Variants in MYO6 observed in about 807,000 individuals in gnomAD.
MYO6 encodes the protein unconventional myosin-VI.
A neutral mutation model predicts 178.7 loss-of-function variants in MYO6; 74 were observed. The observed-to-expected ratio is 0.41, with a 90% CI of 0.34 to 0.50. The LOEUF (loss-of-function observed/expected upper bound fraction) is 0.50. Ranked by LOEUF, MYO6 falls within the 20% of genes least tolerant of loss-of-function variation. MYO6 has a pLI of 0.09. For missense variants in MYO6, 1,330 were observed against 1,547.4 expected (o/e 0.86, Z 2.36); for synonymous variants, 477 against 504.6 (o/e 0.95, Z 0.73).
rs1328340292 is a variant in MYO6 at position 75,873,230 on chromosome 6, C to A, written c.2007C>A (p.Ile669=). ...RSTGASFIRC[I]KPNLKMTSHH... is the part of the protein sequence containing the mutation. ...AGGGAGCAAGCTTTATTCGTTGCAT[C>A]AAACCTAACTTAAAGATGACAAGCC... The change falls in exon 20 of 35, where the codon ATC becomes ATA. Residue 669 remains isoleucine, a synonymous_variant. Coordinates refer to ENST00000369977, the MANE Select transcript of MYO6 (RefSeq NM_004999.4). The A allele has an allele frequency of 6.2e-7, 1 of 1,613,958 alleles. No homozygotes were observed.
rs770343165 is a variant in MYO6 at position 75,817,713 on chromosome 6, TG to T, written c.117+50del. On this transcript the variant is annotated intron_variant, in intron 2 of 34. Transcript: ENST00000369977. ...AAATATGATTTCTTTCAAAAATAGG[TG>T]TTTTTTTTCACAAGAGTAAGGTCTG... The T allele has an allele frequency of 3.9e-6, 6 of 1,540,132 alleles. No homozygotes were observed. In the East Asian group the frequency reaches 9.0e-5, roughly 23 times the overall value.
At chr6:75,750,391 G>A (rs1776770337) in intron 1 of MYO6, among the ~76,000 whole-genome samples, 1 of 151,938 alleles carries the variant, frequency 6.6e-6, no homozygotes, top group South Asian at 2.1e-4. Flanking sequence ...CACTGCGCCT[G>A]GCCAAATATT....
intron 24 of MYO6, 95 bp downstream of exon 24, chr6:75,886,189 C>A: frequency 1.3e-6 from 1 of 769,972 alleles, no homozygotes; most frequent in Non-Finnish European, 2.2e-6. Context: ...TTTGGATACT[C>A]AGGTTTTCTC....
At chr6:75,797,793 C>A (rs539777295) in intron 1 of MYO6, among the ~76,000 whole-genome samples, 3 of 152,298 alleles carry the variant, frequency 2.0e-5, no homozygotes, top group Non-Finnish European at 4.4e-5. Flanking sequence ...CTCAGCTTTC[C>A]AAAATGCTGG....
intron 4 of MYO6, 56 bp downstream of exon 4, chr6:75,828,669 C>G: frequency 9.0e-7 from 1 of 1,105,528 alleles, no homozygotes. Flanking sequence ...TCATGTGGTA[C>G]TCTTTGATTT....
chr6:75,759,400 C>G lies in MYO6; in HGVS notation c.-48+9977C>G, dbSNP rs566160838. Among the ~76,000 whole-genome samples the G allele has an allele frequency of 3.9e-5, 6 of 152,172 alleles. No individual in the cohort carries two copies. The East Asian group carries it at 5.8e-4, about 15-fold the overall frequency. On this transcript the variant is annotated intron_variant, in intron 1 of 34. Coordinates refer to ENST00000369977, the MANE Select transcript of MYO6 (RefSeq NM_004999.4). ...CAGGGATTAGAAACAGTAAGAAATT[C>G]TTAGTTCTCCAGAAATTACCAGAGC...
intron 27 of MYO6, among the ~76,000 whole-genome samples, chr6:75,891,783 C>G (rs1412542722): frequency 1.3e-5 from 2 of 152,108 alleles, no homozygotes; most frequent in South Asian, 2.1e-4. Flanking sequence ...GACTTTGGAG[C>G]TAGGGAAGTG....
intron 20 of MYO6, among the ~76,000 whole-genome samples, chr6:75,877,021 C>T (rs1777614775): frequency 6.6e-6 from 1 of 151,938 alleles, no homozygotes; most frequent in South Asian, 2.1e-4. Flanking sequence ...GTTGCCTAGG[C>T]TGGAGTGCAA....
intron 2 of MYO6, among the ~76,000 whole-genome samples, chr6:75,821,755 G>A (rs1403692880): frequency 3.3e-5 from 5 of 152,118 alleles, no homozygotes; most frequent in Non-Finnish European, 7.4e-5. Context: ...GTCATTGTTT[G>A]AGAAGTACTG....
At chr6:75,873,751 A>T (rs948783952) in intron 20 of MYO6, among the ~76,000 whole-genome samples, 1 of 152,194 alleles carries the variant, frequency 6.6e-6, no homozygotes, top group Non-Finnish European at 1.5e-5. Flanking sequence ...CATTCCACAC[A>T]TGATGGTCAG....
At chr6:75,862,085 A>G (rs915277776) in intron 15 of MYO6, among the ~76,000 whole-genome samples, 1 of 152,204 alleles carries the variant, frequency 6.6e-6, no homozygotes, top group Non-Finnish European at 1.5e-5. Flanking sequence ...TCATTGTTAT[A>G]TACTGTATTC....
At chr6:75,894,730 T>G in intron 28 of MYO6, 1 of 839,238 alleles carries the variant, frequency 1.2e-6, no homozygotes, top group Non-Finnish European at 1.7e-6. Flanking sequence ...TAGCATGATG[T>G]TGTTGGGTTC....
intron 16 of MYO6, among the ~76,000 whole-genome samples, chr6:75,864,256 T>C (rs1236444426): frequency 1.3e-5 from 2 of 152,204 alleles, no homozygotes; most frequent in Non-Finnish European, 1.5e-5. Flanking sequence ...TGGTAACAAG[T>C]AGTTTTGTTT....
At chr6:75,867,976 A>G (rs1363649829) in intron 18 of MYO6, among the ~76,000 whole-genome samples, 5 of 152,152 alleles carry the variant, frequency 3.3e-5, no homozygotes, top group Non-Finnish European at 7.4e-5. Flanking sequence ...ATATATTTCT[A>G]CAGAGTATTA....
rs866761919 is a variant in MYO6 at position 75,916,543 on chromosome 6, G to T, written c.*1531G>T. The T allele has an allele frequency of 6.6e-6, 1 of 152,548 alleles. No homozygotes were observed. The highest frequency in any genetic ancestry group is 2.1e-4 in the South Asian group (1 of 4,826). The allele number at this position is 152,548 out of a possible 1,614,324, so 9.4% of individuals were successfully genotyped here. ...ACTGCATAGCTTCACCCACCCTCGG[G>T]TCATTTCGTCCCTGTGATTGGGGAC... On this transcript the variant is annotated 3_prime_UTR_variant, in exon 35 of 35. Coordinates refer to ENST00000369977, the MANE Select transcript of MYO6 (RefSeq NM_004999.4).
chr6:75,879,941 A>G lies in MYO6; in HGVS notation c.2199A>G (p.Leu733=). The change falls in exon 21 of 35, where the codon CTA becomes CTG. Residue 733 remains leucine (L), a synonymous_variant. Coordinates refer to ENST00000369977, the MANE Select transcript of MYO6 (RefSeq NM_004999.4). ...PDKLARLDPR[L]FCKALFKALG... ...AACTTGCAAGATTGGATCCAAGACTATTTTGTAAGGTATAAATGCCACCCA... is the reference window on the plus strand; with the variant it reads ...AACTTGCAAGATTGGATCCAAGACTGTTTTGTAAGGTATAAATGCCACCCA... The G allele has an allele frequency of 6.2e-7, 1 of 1,614,116 alleles. No homozygotes were observed. The highest frequency in any genetic ancestry group is 8.5e-7 in the Non-Finnish European group (1 of 1,180,006).
intron 1 of MYO6, among the ~76,000 whole-genome samples, chr6:75,785,203 A>G (rs939478092): frequency 4.6e-5 from 7 of 152,200 alleles, no homozygotes; most frequent in Non-Finnish European, 8.8e-5. Flanking sequence ...TGAATTTAGT[A>G]TAATGTACAA....
intron 1 of MYO6, among the ~76,000 whole-genome samples, chr6:75,800,239 G>A (rs1769310391): frequency 6.6e-6 from 1 of 152,006 alleles, no homozygotes; most frequent in Non-Finnish European, 1.5e-5. Flanking sequence ...ATTGGTATGC[G>A]GCTGAACAAA....
At chr6:75,804,774 G>A (rs879799841) in intron 1 of MYO6, among the ~76,000 whole-genome samples, 1 of 151,422 alleles carries the variant, frequency 6.6e-6, no homozygotes, top group Non-Finnish European at 1.5e-5. Flanking sequence ...CTCCTTTTTG[G>A]TGTCTTATTC....
Sources: gnomAD v4.1 joint callset for allele counts (sites outside exome capture counted in the v4.1 genomes callset) on GRCh38, gnomAD v4.1.1 for gene constraint, MANE v1.5 for transcripts, NCBI Gene and HGNC (gene_info 2026-07-23, HGNC 2026-07-21) for gene names.